GPM6A: variants seen among roughly 807,000 people sequenced by gnomAD.
The protein encoded by GPM6A is neuronal membrane glycoprotein M6-a.
GPM6A carries 7 observed loss-of-function variants against 32.1 expected under a neutral mutation model. That is an observed-to-expected ratio of 0.22 (90% confidence interval 0.12 to 0.41). The LOEUF (loss-of-function observed/expected upper bound fraction) is 0.41. Ranked by LOEUF, GPM6A falls within the 10% of genes least tolerant of loss-of-function variation. The pLI is 1.00. For missense variants in GPM6A, 235 were observed against 347.2 expected, an observed-to-expected ratio of 0.68 and a Z score of 2.57; for synonymous variants, 130 against 123.4, an observed-to-expected ratio of 1.05 and a Z score of -0.35.
At chr4:175,728,801 T>G (rs1731287512) in intron 1 of GPM6A, among the ~76,000 whole-genome samples, 3 of 152,202 alleles carry the variant, frequency 2.0e-5, no homozygotes, top group Admixed American at 2.0e-4. Context: ...GCCTTTGCAT[T>G]TCTTTGTCTG....
In GPM6A at chr4:175,811,405, C is replaced by T. The variant is rs540886855; in HGVS notation, c.37+786G>A. Among the ~76,000 whole-genome samples the T allele has an allele frequency of 5.9e-5, 9 of 152,212 alleles. No homozygotes were observed. The South Asian group carries it at 1.9e-3, about 32-fold the overall frequency. On this transcript the variant is annotated intron_variant, in intron 1 of 6. Coordinates refer to ENST00000393658, the MANE Select transcript of GPM6A (RefSeq NM_201591.3). ...CCTATCTGGGGTGAAAGCTAGCTCCCTCTGAAGCTACCATTTGACACGTTA... is the reference window on the plus strand; with the variant it reads ...CCTATCTGGGGTGAAAGCTAGCTCCTTCTGAAGCTACCATTTGACACGTTA...
chr4:175,992,898 C>T (rs1283410584), intron 1 of GPM6A, among the ~76,000 whole-genome samples: 4 of 152,122 alleles, frequency 2.6e-5, no homozygotes, highest in African/African-American at 7.2e-5. Flanking sequence ...TGCCATCAAA[C>T]ATTCTTAGAC....
chr4:175,713,550 T>G (rs2111097307), intron 1 of GPM6A, among the ~76,000 whole-genome samples: 1 of 152,330 alleles, frequency 6.6e-6, no homozygotes, highest in East Asian at 1.9e-4. Context: ...TAAATATTGT[T>G]AAATTTTTAT....
chr4:175,690,457 T>C (rs745885292), intron 2 of GPM6A, among the ~76,000 whole-genome samples: 2 of 152,210 alleles, frequency 1.3e-5, no homozygotes, highest in Non-Finnish European at 2.9e-5. Context: ...TCTTATGTTC[T>C]GGAGGTCAGA....
At chr4:175,900,678 A>C (rs59118777) in intron 1 of GPM6A, among the ~76,000 whole-genome samples, 2 of 151,930 alleles carry the variant, frequency 1.3e-5, no homozygotes, top group African/African-American at 4.8e-5. Context: ...TGGTGGGAAT[A>C]TACACTAGTA....
chr4:175,653,652 A>G (rs1193844013), intron 3 of GPM6A, among the ~76,000 whole-genome samples: 2 of 152,128 alleles, frequency 1.3e-5, no homozygotes, highest in East Asian at 3.8e-4. Context: ...TTCCTTTTAG[A>G]ATTATTTTAG....
chr4:175,644,148 G>T (rs1579333908), intron 4 of GPM6A, among the ~76,000 whole-genome samples: 2 of 132,428 alleles, frequency 1.5e-5, no homozygotes, highest in Non-Finnish European at 3.2e-5. Context: ...TTTTGAGATG[G>T]AGTCTCGCTC....
intron 1 of GPM6A, among the ~76,000 whole-genome samples, chr4:175,838,039 C>T (rs1434325508): frequency 1.3e-5 from 2 of 151,292 alleles, no homozygotes; most frequent in African/African-American, 4.9e-5. Context: ...TTCTCCAAAG[C>T]ACCTACCACA....
intron 1 of GPM6A, among the ~76,000 whole-genome samples, chr4:175,752,433 A>T (rs1006042463): frequency 4.6e-5 from 7 of 151,998 alleles, no homozygotes; most frequent in Non-Finnish European, 1.0e-4. Context: ...GAACTCTCCC[A>T]TGTTTGCCTA....
chr4:175,941,682 G>C (rs1739416893), intron 1 of GPM6A, among the ~76,000 whole-genome samples: 1 of 151,852 alleles, frequency 6.6e-6, no homozygotes, highest in African/African-American at 2.4e-5. Context: ...TGAGAATGAT[G>C]GTTTCATCCA....
intron 1 of GPM6A, among the ~76,000 whole-genome samples, chr4:175,977,527 T>C (rs1391576931): frequency 6.6e-6 from 1 of 152,228 alleles, no homozygotes; most frequent in South Asian, 2.1e-4. Flanking sequence ...ACATACTATA[T>C]TCTTCCTAAT....
chr4:175,721,274 G>A (rs557901235), intron 1 of GPM6A, among the ~76,000 whole-genome samples: 2 of 151,022 alleles, frequency 1.3e-5, no homozygotes, highest in African/African-American at 4.8e-5. Context: ...TCAGGAGATC[G>A]AGACCAGCCT....
At chr4:175,893,150 C>T (rs1041216327) in intron 1 of GPM6A, among the ~76,000 whole-genome samples, 7 of 152,196 alleles carry the variant, frequency 4.6e-5, no homozygotes, top group Non-Finnish European at 8.8e-5. Flanking sequence ...GGTAAACCTA[C>T]GAGCCTGATG....
At chr4:175,812,336 TTTTTCC>T, upstream of GPM6A, 1 of 1,360,032 alleles carries the variant, frequency 7.4e-7, no homozygotes, top group Non-Finnish European at 9.5e-7. Flanking sequence ...TTTTTTTTTT[TTTTTCC>T]TGGGAAGCTC....
chr4:175,666,791 T>G (rs1742778883), intron 3 of GPM6A, among the ~76,000 whole-genome samples: 1 of 152,202 alleles, frequency 6.6e-6, no homozygotes, highest in African/African-American at 2.4e-5. Context: ...CAACAGTTAA[T>G]GTGAATGAAT....
intron 1 of GPM6A, among the ~76,000 whole-genome samples, chr4:175,787,128 T>C (rs1733834651): frequency 1.3e-5 from 2 of 152,100 alleles, no homozygotes; most frequent in African/African-American, 4.8e-5. Flanking sequence ...TTACCCTTGA[T>C]ACATATGACT....
chr4:175,682,718 G>A (rs567735357), intron 2 of GPM6A, among the ~76,000 whole-genome samples: 1 of 152,312 alleles, frequency 6.6e-6, no homozygotes, highest in South Asian at 2.1e-4. Context: ...TTCAGAGGGT[G>A]CAAGCCATAA....
chr4:175,925,711 A>C (rs1264169458), intron 1 of GPM6A, among the ~76,000 whole-genome samples: 2 of 152,208 alleles, frequency 1.3e-5, no homozygotes, highest in African/African-American at 2.4e-5. Flanking sequence ...ATTAGAATTC[A>C]TAACTGCATC....
chr4:175,707,512 G>C (rs1368770402), intron 1 of GPM6A, among the ~76,000 whole-genome samples: 1 of 152,116 alleles, frequency 6.6e-6, no homozygotes, highest in East Asian at 1.9e-4. Flanking sequence ...ATGTAATTTA[G>C]ATATTAATTT....
Sources: allele counts gnomAD v4.1 joint callset (sites outside exome capture counted in the v4.1 genomes callset), GRCh38; gene constraint gnomAD v4.1.1; transcripts MANE v1.5; gene names NCBI Gene and HGNC (gene_info 2026-07-23, HGNC 2026-07-21).